TERB2: variants seen among roughly 807,000 people sequenced by gnomAD.
TERB2 encodes the protein telomere repeats-binding bouquet formation protein 2.
In TERB2, 26 loss-of-function variants were observed where a neutral mutation model predicts 29.8. The ratio of observed to expected loss-of-function variants is 0.87; its 90% CI spans 0.64 to 1.21. The LOEUF (loss-of-function observed/expected upper bound fraction) is 1.21. TERB2 is among the 50% of genes most tolerant of loss of function. TERB2 has a pLI of 0.00. For missense variants in TERB2, 240 were observed against 268.6 expected (o/e 0.89, Z 0.74); for synonymous variants, 80 against 90.8 (o/e 0.88, Z 0.68).
Position 44,958,205 on chromosome 15 carries a change from A to G in TERB2, c.147-168A>G, listed in dbSNP as rs548052897. Among the ~76,000 whole-genome samples, 253 of 152,302 alleles carry G rather than the reference A, an allele frequency of 1.7e-3. 1 individual carries two copies. Among genetic ancestry groups the G allele is most frequent in the African/African-American group, 5.9e-3 (246 of 41,540 alleles). ...TGTGCCAGATATAGGCCCCCAGAAA[A>G]GAGTATCTTATGCCATATGTTTTTC... On this transcript the variant is annotated intron_variant, in intron 2 of 6. Coordinates refer to ENST00000340827, the MANE Select transcript of TERB2 (RefSeq NM_152448.3).
intron 5 of TERB2, among the ~76,000 whole-genome samples, chr15:44,972,409 T>A (rs1312071178): frequency 1.3e-5 from 2 of 152,182 alleles, no homozygotes; most frequent in Admixed American, 6.5e-5. Flanking sequence ...TTTATACAAT[T>A]ATATTGTTAG....
At chr15:44,959,329 C>T (rs1372964085) in intron 3 of TERB2, among the ~76,000 whole-genome samples, 4 of 151,900 alleles carry the variant, frequency 2.6e-5, no homozygotes, top group South Asian at 2.1e-4. Flanking sequence ...TTTCTTATAC[C>T]GTTCTTCTAC....
chr15:44,973,717 C>T, intron 5 of TERB2, 150 bp from the exon 6 acceptor site: 1 of 534,642 alleles, frequency 1.9e-6, no homozygotes, highest in Non-Finnish European at 2.5e-6. Context: ...AAAACAAATC[C>T]AAATATATAC....
At chr15:44,957,154 C>T (rs1175863255) in intron 2 of TERB2, among the ~76,000 whole-genome samples, 177 bp downstream of exon 2, 1 of 150,052 alleles carries the variant, frequency 6.7e-6, no homozygotes, top group Non-Finnish European at 1.5e-5. Context: ...GCGGAGGTTG[C>T]AGTGAGCCAA....
chr15:44,978,355 T>C lies in TERB2; in HGVS notation c.524-134T>C. ...GTTTCATGGAGAATCTTCTCACTGG[T>C]ATTATTTCTTCTTTTTACTTCTTTT... On this transcript the variant is annotated intron_variant, in intron 6 of 6. Coordinates refer to ENST00000340827, the MANE Select transcript of TERB2 (RefSeq NM_152448.3). The C allele has an allele frequency of 2.4e-6, 3 of 1,248,980 alleles. No homozygotes were observed. In the African/African-American group the frequency reaches 4.6e-5, roughly 19 times the overall value. The allele number at this position is 1,248,980 out of a possible 1,614,324, so 77.4% of individuals were successfully genotyped here. A position where few individuals can be genotyped will look rare whatever the true frequency, so the allele number is the denominator to read the frequency against.
intron 5 of TERB2, among the ~76,000 whole-genome samples, chr15:44,969,861 T>C (rs1891943160): frequency 6.6e-6 from 1 of 151,780 alleles, no homozygotes; most frequent in East Asian, 1.9e-4. Flanking sequence ...GAGGGTATTC[T>C]TTCATATTGG....
Position 44,958,513 on chromosome 15 carries a change from G to A in TERB2, c.286+1G>A. ...CTTCCTCCTGCGTGCCTGCAAAAAGGTTAGCAAAGATCATTCAGCCAATCC... is the reference window on the plus strand; with the variant it reads ...CTTCCTCCTGCGTGCCTGCAAAAAGATTAGCAAAGATCATTCAGCCAATCC... On this transcript the variant is annotated splice_donor_variant, in intron 3 of 6. Transcript: ENST00000340827. LOFTEE classifies it high-confidence loss of function. 1 of 1,606,902 alleles carries A rather than the reference G, an allele frequency of 6.2e-7. No individual in the cohort carries two copies. Among genetic ancestry groups the A allele is most frequent in the Non-Finnish European group, 8.5e-7 (1 of 1,175,894 alleles).
intron 4 of TERB2, among the ~76,000 whole-genome samples, chr15:44,961,982 G>T (rs1891811843): frequency 6.6e-6 from 1 of 152,164 alleles, no homozygotes; most frequent in African/African-American, 2.4e-5. Context: ...TTACAGGCGT[G>T]AGCCACTGTG....
At chr15:44,963,505 A>G (rs574350983) in intron 4 of TERB2, among the ~76,000 whole-genome samples, 2 of 152,294 alleles carry the variant, frequency 1.3e-5, no homozygotes, top group African/African-American at 4.8e-5. Flanking sequence ...ATTAAGAGAC[A>G]TAAAAAAGAG....
chr15:44,968,337 T>C (rs141154509), intron 5 of TERB2, among the ~76,000 whole-genome samples: 43 of 152,058 alleles, frequency 2.8e-4, no homozygotes, highest in African/African-American at 1.0e-3. Flanking sequence ...TGCCTTGGCC[T>C]CCCGAGCAGC....
chr15:44,967,516 G>A (rs1309272401), intron 5 of TERB2, among the ~76,000 whole-genome samples: 2 of 152,248 alleles, frequency 1.3e-5, no homozygotes, highest in African/African-American at 4.8e-5. Flanking sequence ...CAGTGAGGGG[G>A]TCTGGGTATG....
intron 3 of TERB2, among the ~76,000 whole-genome samples, chr15:44,960,292 G>A (rs1460967579): frequency 2.0e-5 from 3 of 152,138 alleles, no homozygotes; most frequent in African/African-American, 2.4e-5. Flanking sequence ...GAAGTGTGAG[G>A]TGCAAATGTG....
chr15:44,958,475 G>C lies in TERB2; in HGVS notation c.249G>C (p.Leu83Phe). 2 of 1,613,910 alleles carry C rather than the reference G, an allele frequency of 1.2e-6. No individual in the cohort carries two copies. The highest frequency in any genetic ancestry group is 1.7e-6 in the Non-Finnish European group (2 of 1,179,942). ...ANAKIKNSVA[L>F]GHFILPPACL... is the part of the protein sequence containing the mutation. ...CCAAAATAAAAAACTCGGTGGCTTT[G>C]GGTCATTTCATTCTTCCTCCTGCGT... Residue 83 changes from leucine (L) to phenylalanine (F), a missense_variant, in exon 3 of 7, where the codon TTG (leucine) becomes TTC (phenylalanine). By Grantham distance (22) the Leu-to-Phe change is conservative. Transcript: ENST00000340827.
intron 5 of TERB2, among the ~76,000 whole-genome samples, chr15:44,971,689 G>A (rs1891972016): frequency 6.6e-6 from 1 of 151,932 alleles, no homozygotes; most frequent in Non-Finnish European, 1.5e-5. Flanking sequence ...TGGGAGGCCT[G>A]AGCTTGCAGT....
At chr15:44,958,031 A>G (rs1261613353) in intron 2 of TERB2, among the ~76,000 whole-genome samples, 3 of 152,182 alleles carry the variant, frequency 2.0e-5, no homozygotes, top group Non-Finnish European at 4.4e-5. Flanking sequence ...TCCTCACCTC[A>G]GGATTAATTG....
chr15:44,978,387 A>G, intron 6 of TERB2, 102 bp from the exon 7 acceptor site: 1 of 1,316,600 alleles, frequency 7.6e-7, no homozygotes, highest in Non-Finnish European at 9.8e-7. Flanking sequence ...TTTTCTAAAA[A>G]CATTCTTTAG....
intron 5 of TERB2, chr15:44,973,631 C>A: frequency 5.2e-6 from 1 of 193,478 alleles, no homozygotes; most frequent in Non-Finnish European, 9.5e-6. Flanking sequence ...GCAAGGATGA[C>A]AAGCAAATTT....
intron 6 of TERB2, among the ~76,000 whole-genome samples, chr15:44,977,064 C>T (rs1595480069): frequency 6.8e-6 from 1 of 147,844 alleles, no homozygotes; most frequent in Non-Finnish European, 1.5e-5. Flanking sequence ...TGCCACTGCA[C>T]TCCAGCATGG....
intron 3 of TERB2, among the ~76,000 whole-genome samples, chr15:44,960,181 T>C (rs1891779168): frequency 6.6e-6 from 1 of 152,266 alleles, no homozygotes; most frequent in African/African-American, 2.4e-5. Flanking sequence ...TAGCATCTTA[T>C]GTTAACATGT....
Sources: gnomAD v4.1 joint callset for allele counts (sites outside exome capture counted in the v4.1 genomes callset) on GRCh38, gnomAD v4.1.1 for gene constraint, MANE v1.5 for transcripts, NCBI Gene and HGNC (gene_info 2026-07-23, HGNC 2026-07-21) for gene names.